The following RAD54L2 variants were observed in gnomAD, a reference collection of about 807,000 sequenced individuals.
RAD54L2 encodes RAD54 like 2.
Under a neutral mutation model 138.4 loss-of-function variants are expected in RAD54L2, and 27 were observed. The ratio of observed to expected loss-of-function variants is 0.20; its 90% CI spans 0.14 to 0.27. The LOEUF (loss-of-function observed/expected upper bound fraction) is 0.27, where lower values mean the gene tolerates loss of function less well. RAD54L2 is among the 10% of genes least tolerant of loss of function. The pLI is 1.00. For missense variants in RAD54L2, 1,396 were observed against 1,890.2 expected, an observed-to-expected ratio of 0.74 and a Z score of 4.85; for synonymous variants, 644 against 723.2, an observed-to-expected ratio of 0.89 and a Z score of 1.76.
chr3:51,653,181 T>G (rs1197457017), intron 19 of RAD54L2, among the ~76,000 whole-genome samples: 1 of 152,042 alleles, frequency 6.6e-6, no homozygotes, highest in Non-Finnish European at 1.5e-5. Flanking sequence ...ATGAAAAAAA[T>G]GTTCATCATC....
intron 1 of RAD54L2, among the ~76,000 whole-genome samples, chr3:51,540,432 A>G (rs1553671096): frequency 6.6e-6 from 1 of 152,220 alleles, no homozygotes; most frequent in Admixed American, 6.5e-5. Context: ...TCCCTGTGAC[A>G]ATCTATATCA....
intron 2 of RAD54L2, among the ~76,000 whole-genome samples, chr3:51,569,498 C>G (rs552120804): frequency 1.3e-5 from 2 of 152,176 alleles, no homozygotes; most frequent in Admixed American, 1.3e-4. Flanking sequence ...ATTCTTCTGC[C>G]TCAGTCTCCC....
chr3:51,577,427 C>G (rs2106679567), intron 2 of RAD54L2, among the ~76,000 whole-genome samples: 1 of 152,218 alleles, frequency 6.6e-6, no homozygotes, highest in East Asian at 1.9e-4. Context: ...GTCGATCTGT[C>G]TAATGTTGAC....
At chr3:51,606,659 TA>T in intron 3 of RAD54L2, among the ~76,000 whole-genome samples, 1 of 152,196 alleles carries the variant, frequency 6.6e-6, no homozygotes, top group Non-Finnish European at 1.5e-5. Flanking sequence ...GGAAAAAGTT[TA>T]TTTTTTTTTT....
intron 2 of RAD54L2, among the ~76,000 whole-genome samples, chr3:51,582,121 G>T (rs1187419892): frequency 6.6e-6 from 1 of 151,874 alleles, no homozygotes; most frequent in African/African-American, 2.4e-5. Context: ...TGCCCAGGCT[G>T]GTCTCAAACT....
rs538229243 is a variant in RAD54L2 at position 51,576,881 on chromosome 3, T to G, written c.-54-13486T>G. ...CTGCTCTGATCTATTTCCTGCCTTC[T>G]GCTAGCTTTTGAATGTGTTTGCTCT... On this transcript the variant is annotated intron_variant, in intron 2 of 22. Transcript: ENST00000684192. 3.3e-5 allele frequency among the ~76,000 whole-genome samples: 5 copies of G among 152,294 alleles called. No homozygotes were observed. The East Asian group carries it at 9.6e-4, about 29-fold the overall frequency.
At chr3:51,613,543 T>C (rs1005112321) in intron 3 of RAD54L2, among the ~76,000 whole-genome samples, 1 of 151,700 alleles carries the variant, frequency 6.6e-6, no homozygotes, top group Admixed American at 6.6e-5. Flanking sequence ...CTGAGGCGGG[T>C]GGGTCACGAG....
chr3:51,645,728 C>T lies in RAD54L2; in HGVS notation c.2794C>T (p.Leu932=), dbSNP rs780142650. 1.2e-6 allele frequency: 2 copies of T among 1,612,914 alleles called. No individual in the cohort carries two copies. The highest frequency in any genetic ancestry group is 4.5e-5 in the East Asian group (2 of 44,850). Residue 932 remains leucine (L), a synonymous_variant, in exon 18 of 23, where the codon CTG becomes TTG. Transcript: ENST00000684192. This position sits in a 1 kb window ranked among gnomAD's most constrained non-coding sequence, Gnocchi z 6.1. Reference sequence around the variant, plus strand: ...GGGGATCAAGGAGTCAGTCCTGCAACTGGCCTGTCTGAAGTACCCTCACCT... The same window carrying T: ...GGGGATCAAGGAGTCAGTCCTGCAATTGGCCTGTCTGAAGTACCCTCACCT... ...VKGIKESVLQ[L]ACLKYPHLIT... is the part of the protein sequence containing the mutation.
chr3:51,593,990 GTAAGCT>G (rs1359288951), intron 3 of RAD54L2, among the ~76,000 whole-genome samples: 1 of 148,602 alleles, frequency 6.7e-6, no homozygotes, highest in Admixed American at 6.7e-5. Context: ...AATTTTCCCT[GTAAGCT>G]TTAGCTCCAT....
intron 2 of RAD54L2, among the ~76,000 whole-genome samples, chr3:51,563,714 A>G (rs1374517193): frequency 6.6e-6 from 1 of 152,156 alleles, no homozygotes; most frequent in Non-Finnish European, 1.5e-5. Context: ...TTCTGTGTTT[A>G]AGCATTTGGT....
At chr3:51,607,699 C>A (rs182304941) in intron 3 of RAD54L2, among the ~76,000 whole-genome samples, 5,528 of 145,744 alleles carry the variant, frequency 0.038, 320 homozygotes, top group African/African-American at 0.13. Context: ...GAGGGGCCCC[C>A]CACCTCCCAG....
rs60539114 is a variant in RAD54L2 at position 51,582,587 on chromosome 3, CT to C, written c.-54-7766del. On this transcript the variant is annotated intron_variant, in intron 2 of 22. Coordinates refer to ENST00000684192, the MANE Select transcript of RAD54L2 (RefSeq NM_015106.4). ...TACCCTCCACCCCCCACAACTCTGC[CT>C]TTTTTTTTTTTTTCCTGCTGGCCAT... 6.6e-3 allele frequency among the ~76,000 whole-genome samples: 933 copies of C among 142,248 alleles called. 5 individuals are homozygous for C. Among genetic ancestry groups the C allele is most frequent in the African/African-American group, 0.016 (611 of 39,118 alleles). The allele number at this position is 142,248 out of a possible 152,430, so 93.3% of individuals were successfully genotyped here. A position where few individuals can be genotyped will look rare whatever the true frequency, so the allele number is the denominator to read the frequency against.
chr3:51,656,846 C>T (rs1004630461), intron 20 of RAD54L2, among the ~76,000 whole-genome samples: 1 of 151,962 alleles, frequency 6.6e-6, no homozygotes, highest in Non-Finnish European at 1.5e-5. Context: ...AGCGATTCTC[C>T]CGCCTCAGCC....
At chr3:51,598,866 C>G (rs563071822) in intron 3 of RAD54L2, among the ~76,000 whole-genome samples, 4 of 152,152 alleles carry the variant, frequency 2.6e-5, no homozygotes, top group South Asian at 2.1e-4. Flanking sequence ...GCTCTGCACC[C>G]CTTCCCCCAT....
intron 2 of RAD54L2, among the ~76,000 whole-genome samples, chr3:51,588,648 T>A (rs1699765940): frequency 6.6e-6 from 1 of 152,066 alleles, no homozygotes; most frequent in Non-Finnish European, 1.5e-5. Flanking sequence ...ATCAAAGAGC[T>A]AACCCAACTA....
intron 3 of RAD54L2, among the ~76,000 whole-genome samples, chr3:51,622,739 G>A (rs890256264): frequency 6.6e-6 from 1 of 152,196 alleles, no homozygotes; most frequent in Non-Finnish European, 1.5e-5. Context: ...CAGGACAGGG[G>A]TTGACTTCTG....
Position 51,604,964 on chromosome 3 carries a change from C to T in RAD54L2, c.139+14405C>T, listed in dbSNP as rs111249562. ...TGAGATGGAATCTCACTCTGTTGCC[C>T]AGGCTGGAGTACAGTGGCGTGATCT... On this transcript the variant is annotated intron_variant, in intron 3 of 22. Coordinates refer to ENST00000684192, the MANE Select transcript of RAD54L2 (RefSeq NM_015106.4). 6.2e-3 allele frequency among the ~76,000 whole-genome samples: 937 copies of T among 152,152 alleles called. 7 individuals carry two copies. The highest frequency in any genetic ancestry group is 0.021 in the African/African-American group (883 of 41,506).
rs1171042535 is a variant in RAD54L2, at chr3:51,538,936, C to G, written c.-117+21C>G. On this transcript the variant is annotated intron_variant, in intron 1 of 22. Transcript: ENST00000684192. ...AGGAGGTGAGACGCCGGTGCCGGTT[C>G]CTCGCTCCCGGCCGGGGCCGCCGGG... Among the ~76,000 whole-genome samples, 13 of 152,300 alleles carry G rather than the reference C, an allele frequency of 8.5e-5. No individual in the cohort carries two copies. The South Asian group carries it at 1.2e-3, about 15-fold the overall frequency.
intron 2 of RAD54L2, among the ~76,000 whole-genome samples, chr3:51,554,364 C>CA (rs763034796): frequency 2.0e-3 from 230 of 117,206 alleles, no homozygotes; most frequent in Middle Eastern, 4.5e-3. Flanking sequence ...GAGACTCTTT[C>CA]AAAAAAAAAA....
Sources: allele counts gnomAD v4.1 joint callset (sites outside exome capture counted in the v4.1 genomes callset), GRCh38; gene constraint gnomAD v4.1.1; non-coding constraint Gnocchi (gnomAD v3.1); transcripts MANE v1.5; gene names NCBI Gene and HGNC (gene_info 2026-07-23, HGNC 2026-07-21).